The following ABCB10 variants were observed in gnomAD, a reference collection of about 807,000 sequenced individuals.
ABCB10 encodes ATP binding cassette subfamily B member 10, also known as ATP-binding cassette sub-family B member 10, mitochondrial.
In ABCB10, 54 loss-of-function variants were observed where a neutral mutation model predicts 65.4. That is an observed-to-expected ratio of 0.83 (90% CI 0.66 to 1.04). The LOEUF (loss-of-function observed/expected upper bound fraction) is 1.04. ABCB10 is among the 50% of genes least tolerant of loss of function. The pLI is 0.00. For missense variants in ABCB10, 846 were observed against 976.6 expected (o/e 0.87, Z 1.78); for synonymous variants, 418 against 406.5 (o/e 1.03, Z -0.34).
rs1382148503 is a variant in ABCB10, at chr1:229,517,947, T to C, written c.*232A>G. 2 of 426,632 alleles carry C rather than the reference T, an allele frequency of 4.7e-6. No individual in the cohort carries two copies. The highest frequency in any genetic ancestry group is 8.3e-6 in the Non-Finnish European group (2 of 241,616). 26.4% of individuals were successfully genotyped at this position (426,632 alleles called of 1,614,324 possible). ...CCACAAGAAAAGAAAATACAAAACC[T>C]GAAAATAACTTCAGTGCTATAGACA... On this transcript the variant is annotated 3_prime_UTR_variant, in exon 13 of 13. Transcript: ENST00000344517.
intron 6 of ABCB10, chr1:229,535,057 A>AAAAAAAG (rs1662682835): frequency 1.3e-5 from 2 of 148,856 alleles, no homozygotes; most frequent in Admixed American, 1.3e-4. Context: ...AAAAAAAAAA[A>AAAAAAAG]AAAAAAAAAA....
At chr1:229,549,022 A>G (rs1663037891) in intron 2 of ABCB10, among the ~76,000 whole-genome samples, 1 of 152,116 alleles carries the variant, frequency 6.6e-6, no homozygotes, top group African/African-American at 2.4e-5. Context: ...GCTCAACTTC[A>G]ACTATAAAAG....
intron 3 of ABCB10, among the ~76,000 whole-genome samples, chr1:229,543,047 C>T (rs1662888070): frequency 6.7e-6 from 1 of 149,910 alleles, no homozygotes; most frequent in Non-Finnish European, 1.5e-5. Context: ...AGGAGAATCG[C>T]TTGAACCCGG....
At chr1:229,541,123 A>T (rs1279579430) in intron 4 of ABCB10, among the ~76,000 whole-genome samples, 1 of 152,252 alleles carries the variant, frequency 6.6e-6, no homozygotes, top group Non-Finnish European at 1.5e-5. Flanking sequence ...TAATTCGAAA[A>T]GACAGGATTA....
At chr1:229,524,523 A>AG (rs1227462216) in intron 10 of ABCB10, among the ~76,000 whole-genome samples, 1 of 152,184 alleles carries the variant, frequency 6.6e-6, no homozygotes, top group African/African-American at 2.4e-5. Flanking sequence ...AAAAGTGTTT[A>AG]GCTGAACATT....
chr1:229,547,462 T>A (rs778335892), intron 3 of ABCB10, 37 bp downstream of exon 3: 8 of 1,609,520 alleles, frequency 5.0e-6, no homozygotes, highest in Non-Finnish European at 5.9e-6. Context: ...AGCCAAGCCC[T>A]GGCAGGAAGG....
intron 5 of ABCB10, 106 bp downstream of exon 5, chr1:229,540,500 A>C (rs1488084655): frequency 1.6e-6 from 2 of 1,221,238 alleles, no homozygotes; most frequent in Non-Finnish European, 2.2e-6. Flanking sequence ...TAAGACTAAA[A>C]TTTTAAAAAT....
intron 8 of ABCB10, 55 bp downstream of exon 8, chr1:229,530,144 G>T: frequency 6.3e-7 from 1 of 1,577,614 alleles, no homozygotes; most frequent in Non-Finnish European, 8.7e-7. Context: ...GGGCGCAAAA[G>T]TGGGAGCAGA....
At chr1:229,528,325 C>CT (rs67565614) in intron 8 of ABCB10, among the ~76,000 whole-genome samples, 30,310 of 146,354 alleles carry the variant, frequency 0.21, 3,240 homozygotes, top group Middle Eastern at 0.3. Flanking sequence ...TTTTTTTGGT[C>CT]TTTTTTTTTT....
At chr1:229,523,774 G>C (rs1286324535) in intron 10 of ABCB10, among the ~76,000 whole-genome samples, 1 of 152,162 alleles carries the variant, frequency 6.6e-6, no homozygotes, top group East Asian at 1.9e-4. Flanking sequence ...TGCAGAATCT[G>C]TGTCAAGGGA....
In ABCB10 at chr1:229,532,945, T is replaced by C. The variant is rs150383381; in HGVS notation, c.1340-1214A>G. On this transcript the variant is annotated intron_variant, in intron 6 of 12. Coordinates refer to ENST00000344517, the MANE Select transcript of ABCB10 (RefSeq NM_012089.3). ...GTAGTAAAAACTGAAATAAATTTGG[T>C]TAATGTTAAACATTCCAGCAATCTC... is the stretch of plus-strand genomic sequence containing the variant. 2.1e-3 allele frequency among the ~76,000 whole-genome samples: 322 copies of C among 152,288 alleles called. 1 individual carries two copies. Among genetic ancestry groups the C allele is most frequent in the Non-Finnish European group, 3.2e-3 (218 of 68,012 alleles).
At chr1:229,554,757 C>G (rs1485041290) in intron 1 of ABCB10, among the ~76,000 whole-genome samples, 1 of 152,160 alleles carries the variant, frequency 6.6e-6, no homozygotes, top group Non-Finnish European at 1.5e-5. Context: ...GGGGCAGTTC[C>G]GATTTCAAAG....
chr1:229,526,409 A>G lies in ABCB10; in HGVS notation c.1726-293T>C, dbSNP rs1662445744. ...GCTGCCTGCCTTCCACTCAGGACAA[A>G]GCGGGGAATCCATCTCCATCCATTA... On this transcript the variant is annotated intron_variant, in intron 9 of 12. Coordinates refer to ENST00000344517, the MANE Select transcript of ABCB10 (RefSeq NM_012089.3). Among the ~76,000 whole-genome samples the G allele has an allele frequency of 2.6e-5, 4 of 152,238 alleles. No homozygotes were observed. The South Asian group carries it at 8.3e-4, about 32-fold the overall frequency.
chr1:229,523,744 T>C (rs902776408), intron 10 of ABCB10, among the ~76,000 whole-genome samples: 9 of 152,156 alleles, frequency 5.9e-5, no homozygotes, highest in Non-Finnish European at 1.3e-4. Context: ...AACTGGAGGA[T>C]CCTACCAGAG....
chr1:229,541,051 T>C (rs190958264), intron 4 of ABCB10, among the ~76,000 whole-genome samples: 11 of 152,266 alleles, frequency 7.2e-5, no homozygotes, highest in African/African-American at 2.6e-4. Context: ...CAGGAGTATA[T>C]GTAGATGCAG....
rs762128496 is a variant in ABCB10 at position 229,549,228 on chromosome 1, T to C, written c.718+6A>G. 1.1e-5 allele frequency: 17 copies of C among 1,613,944 alleles called. No individual in the cohort carries two copies. The East Asian group carries it at 3.1e-4, about 30-fold the overall frequency. Reference sequence around the variant, plus strand: ...GACTCACATCCCTGAGAGGAGAGACTGTTACCTGAAGTTTGCATGAGGTAG... The same window carrying C: ...GACTCACATCCCTGAGAGGAGAGACCGTTACCTGAAGTTTGCATGAGGTAG... On this transcript the variant is annotated splice_donor_region_variant and intron_variant, in intron 2 of 12. Coordinates refer to ENST00000344517, the MANE Select transcript of ABCB10 (RefSeq NM_012089.3).
rs1466880014 is a variant in ABCB10 at position 229,516,845 on chromosome 1, A to G, written c.*1334T>C. The G allele has an allele frequency of 6.6e-6, 1 of 152,226 alleles. No homozygotes were observed. The highest frequency in any genetic ancestry group is 1.5e-5 in the Non-Finnish European group (1 of 68,028). 9.4% of individuals were successfully genotyped at this position (152,226 alleles called of 1,614,324 possible). A position where few individuals can be genotyped will look rare whatever the true frequency, so the allele number is the denominator to read the frequency against. ...TACTAATTCAAAGAACACTATATTC[A>G]TTCATATCAATTTTATTCATTAATT... On this transcript the variant is annotated 3_prime_UTR_variant, in exon 13 of 13. Transcript: ENST00000344517.
chr1:229,533,401 G>A (rs1662632355), intron 6 of ABCB10, among the ~76,000 whole-genome samples: 1 of 152,154 alleles, frequency 6.6e-6, no homozygotes, highest in African/African-American at 2.4e-5. Flanking sequence ...TGGGATTATA[G>A]GTGTAAGCCA....
chr1:229,546,811 G>A (rs1405651733), intron 3 of ABCB10, among the ~76,000 whole-genome samples: 2 of 152,048 alleles, frequency 1.3e-5, no homozygotes, highest in Non-Finnish European at 2.9e-5. Flanking sequence ...TTGAGCCCAG[G>A]AGTTTAAGAC....
Sources: gnomAD v4.1 joint callset for allele counts (sites outside exome capture counted in the v4.1 genomes callset) on GRCh38, gnomAD v4.1.1 for gene constraint, MANE v1.5 for transcripts, NCBI Gene and HGNC (gene_info 2026-07-23, HGNC 2026-07-21) for gene names.